Variants in CSMD2 observed in about 807,000 individuals in gnomAD.
CSMD2 encodes the protein CUB and Sushi multiple domains 2.
Under a neutral mutation model 398.5 loss-of-function variants are expected in CSMD2, and 130 were observed. The ratio of observed to expected loss-of-function variants is 0.33; its 90% CI spans 0.28 to 0.38. CSMD2 has a LOEUF of 0.38. Ranked by LOEUF, CSMD2 falls within the 10% of genes least tolerant of loss-of-function variation. The pLI, the probability that CSMD2 is intolerant of heterozygous loss-of-function variation, is 1.00. For missense variants in CSMD2, 3,829 were observed against 4,764.9 expected, an observed-to-expected ratio of 0.80 and a Z score of 5.78; for synonymous variants, 1,828 against 1,908.5, an observed-to-expected ratio of 0.96 and a Z score of 1.10.
intron 25 of CSMD2, among the ~76,000 whole-genome samples, chr1:33,689,539 C>G (rs545550344): frequency 3.3e-5 from 5 of 152,288 alleles, no homozygotes; most frequent in African/African-American, 1.2e-4. Flanking sequence ...CCCTCCACCC[C>G]CATAGCCACC....
rs1302436292 is a variant in CSMD2, at chr1:33,586,953, G to C, written c.6937+135C>G. Reference sequence around the variant, plus strand: ...TAAACTCAGTGGGCAGAACCCTCTGGCACAGGGCCTACTGTTTCTCTCTCC... The same window carrying C: ...TAAACTCAGTGGGCAGAACCCTCTGCCACAGGGCCTACTGTTTCTCTCTCC... On this transcript the variant is annotated intron_variant, in intron 45 of 70. Coordinates refer to ENST00000373381, the MANE Select transcript of CSMD2 (RefSeq NM_001281956.2). The C allele has an allele frequency of 7.6e-6, 5 of 659,966 alleles. No individual in the cohort carries two copies. The African/African-American group carries it at 9.1e-5, about 12-fold the overall frequency. The allele number at this position is 659,966 out of a possible 1,614,324, so 40.9% of individuals were successfully genotyped here.
At chr1:34,092,827 G>A in intron 1 of CSMD2, among the ~76,000 whole-genome samples, 1 of 152,182 alleles carries the variant, frequency 6.6e-6, no homozygotes, top group African/African-American at 2.4e-5. Context: ...AGCGAGGCTG[G>A]GGGAGGGGCG....
At chr1:33,933,434 T>C (rs892453579) in intron 4 of CSMD2, among the ~76,000 whole-genome samples, 1 of 152,244 alleles carries the variant, frequency 6.6e-6, no homozygotes, top group Non-Finnish European at 1.5e-5. Context: ...TACATTTGTT[T>C]CTGGTTTTTA....
intron 15 of CSMD2, among the ~76,000 whole-genome samples, chr1:33,734,727 G>A (rs1336540742): frequency 6.6e-6 from 1 of 151,330 alleles, no homozygotes; most frequent in Non-Finnish European, 1.5e-5. Flanking sequence ...AGAGGCTGCA[G>A]TGAGCTGAGA....
intron 3 of CSMD2, among the ~76,000 whole-genome samples, chr1:33,971,164 G>A (rs1282896641): frequency 1.3e-5 from 2 of 152,162 alleles, no homozygotes; most frequent in Non-Finnish European, 2.9e-5. Flanking sequence ...AACGCTTCTG[G>A]CACGGCCAAG....
At chr1:34,011,832 T>A (rs1030696553) in intron 3 of CSMD2, among the ~76,000 whole-genome samples, 1 of 152,126 alleles carries the variant, frequency 6.6e-6, no homozygotes, top group African/African-American at 2.4e-5. Context: ...TGATAATGAT[T>A]TTTTCAACCC....
chr1:33,532,557 A>G (rs1445759520), intron 64 of CSMD2, among the ~76,000 whole-genome samples: 1 of 152,226 alleles, frequency 6.6e-6, no homozygotes, highest in Non-Finnish European at 1.5e-5. Flanking sequence ...AAAATCTGAT[A>G]ACGTGTCTGT....
intron 2 of CSMD2, 31 bp from the exon 3 acceptor site, chr1:34,032,737 T>C: frequency 6.8e-7 from 1 of 1,478,840 alleles, no homozygotes; most frequent in Non-Finnish European, 9.3e-7. Flanking sequence ...TTAGGGAGAA[T>C]GACCCCCTTG....
At chr1:34,034,066 CT>C (rs778319244) in intron 2 of CSMD2, among the ~76,000 whole-genome samples, 5 of 151,940 alleles carry the variant, frequency 3.3e-5, no homozygotes, top group Non-Finnish European at 7.4e-5. Context: ...CATATACTCT[CT>C]CTCATCAAAA....
intron 3 of CSMD2, among the ~76,000 whole-genome samples, chr1:33,971,047 T>G (rs1035571730): frequency 2.0e-5 from 3 of 152,026 alleles, no homozygotes; most frequent in Admixed American, 1.3e-4. Context: ...ACTCAGCAAA[T>G]GAGAGCAATG....
Position 33,658,136 on chromosome 1 carries a change from C to A in CSMD2, c.4257G>T (p.Val1419=), listed in dbSNP as rs1411310477. The A allele has an allele frequency of 6.2e-7, 1 of 1,611,850 alleles. No individual in the cohort carries two copies. Among genetic ancestry groups the A allele is most frequent in the East Asian group, 2.2e-5 (1 of 44,818 alleles). ...GGTCATTGCAGGACGTTGCTGTGGA[C>A]ACTGGGGCAAGGAAATAGAAGAGAG... The part of the protein sequence containing the change: ...SKQGFAIQFS[V]STATSCNDPG... Residue 1419 remains valine, a splice_region_variant and synonymous_variant, in exon 27 of 71, where the codon GTG becomes GTT. Coordinates refer to ENST00000373381, the MANE Select transcript of CSMD2 (RefSeq NM_001281956.2).
intron 5 of CSMD2, chr1:33,878,369 T>G (rs1640992174): frequency 6.6e-6 from 1 of 152,256 alleles, no homozygotes; most frequent in Non-Finnish European, 1.5e-5. Context: ...GAGACCCACA[T>G]GTGGTCCATT....
intron 6 of CSMD2, among the ~76,000 whole-genome samples, chr1:33,844,296 G>A (rs1353383915): frequency 4.0e-5 from 6 of 150,258 alleles, no homozygotes; most frequent in South Asian, 4.2e-4. Context: ...GTGGGGGGGC[G>A]CTGCTAATGG....
chr1:33,839,229 T>G (rs915739320), intron 6 of CSMD2: 2 of 152,256 alleles, frequency 1.3e-5, no homozygotes, highest in Non-Finnish European at 2.9e-5. Context: ...GGATTTCCAG[T>G]AAGCAGTTAA....
chr1:33,624,552 CCA>C lies in CSMD2; in HGVS notation c.5590_5591del (p.Trp1864GlufsTer30). On this transcript the variant is annotated frameshift_variant, in exon 35 of 71. Transcript: ENST00000373381. LOFTEE classifies it high-confidence loss of function. The surrounding 1 kb of genome is among the most constrained non-coding windows in gnomAD (Gnocchi z 4.7). ...EPYLNSLNCV[W>X]KIVVPEGAGI... Reference sequence around the variant, plus strand: ...CAGCGCCTTCGGGGACCACGATCTTCCACACACAGTTGAGGCTGTTGAGGTAC... The same window carrying C: ...CAGCGCCTTCGGGGACCACGATCTTCCACACAGTTGAGGCTGTTGAGGTAC... 1 of 1,613,988 alleles carries C rather than the reference CCA, an allele frequency of 6.2e-7. No homozygotes were observed. The highest frequency in any genetic ancestry group is 8.5e-7 in the Non-Finnish European group (1 of 1,179,938).
rs1236127297 is a variant in CSMD2 at position 33,865,379 on chromosome 1, A to C, written c.921-18383T>G. ...CCAGGGGTGTTCCCTAATCAGGAGG[A>C]GGCAAGGGGCAGATTTTACCAAAAA... On this transcript the variant is annotated intron_variant, in intron 5 of 70. Transcript: ENST00000373381. Among the ~76,000 whole-genome samples the C allele has an allele frequency of 3.1e-5, 4 of 127,338 alleles. No homozygotes were observed. The South Asian group carries it at 7.8e-4, about 25-fold the overall frequency. 83.5% of individuals were successfully genotyped at this position (127,338 alleles called of 152,430 possible).
intron 2 of CSMD2, among the ~76,000 whole-genome samples, chr1:34,066,552 T>C (rs1300246041): frequency 2.6e-5 from 4 of 152,228 alleles, no homozygotes; most frequent in African/African-American, 9.6e-5. Flanking sequence ...CTGCAAGTCT[T>C]GGGAGCTGCT....
intron 3 of CSMD2, among the ~76,000 whole-genome samples, chr1:33,990,378 A>T (rs1646508565): frequency 6.6e-6 from 1 of 152,124 alleles, no homozygotes; most frequent in African/African-American, 2.4e-5. Context: ...CTGTGAGCTC[A>T]CTCCTGGAAA....
At chr1:33,546,315 T>C in intron 56 of CSMD2, 96 bp from the exon 57 acceptor site, 2 of 1,272,682 alleles carry the variant, frequency 1.6e-6, no homozygotes, top group Non-Finnish European at 2.2e-6. Context: ...ACTAAGGGGA[T>C]GCAGTGGGTC....
Sources: allele counts gnomAD v4.1 joint callset (sites outside exome capture counted in the v4.1 genomes callset), GRCh38; gene constraint gnomAD v4.1.1; non-coding constraint Gnocchi (gnomAD v3.1); transcripts MANE v1.5; gene names NCBI Gene and HGNC (gene_info 2026-07-23, HGNC 2026-07-21).